Variants in PITPNC1 observed in about 807,000 individuals in gnomAD.
The protein encoded by PITPNC1 is cytoplasmic phosphatidylinositol transfer protein 1.
A neutral mutation model predicts 44.7 loss-of-function variants in PITPNC1; 18 were observed. That is an observed-to-expected ratio of 0.40 (90% CI 0.28 to 0.60). PITPNC1 has a LOEUF of 0.60. Among genes scored for constraint, PITPNC1 ranks in the 20% least tolerant of loss-of-function variants. PITPNC1 has a pLI of 0.39. For missense variants in PITPNC1, 290 were observed against 418.4 expected (o/e 0.69, Z 2.68); for synonymous variants, 141 against 149.6 (o/e 0.94, Z 0.42).
At chr17:67,624,147 T>G (rs1598900380) in intron 5 of PITPNC1, among the ~76,000 whole-genome samples, 1 of 152,324 alleles carries the variant, frequency 6.6e-6, no homozygotes, top group East Asian at 1.9e-4. Flanking sequence ...TATAATAATG[T>G]TGCAATAAAA....
intron 1 of PITPNC1, among the ~76,000 whole-genome samples, chr17:67,525,802 A>G (rs1275166247): frequency 6.6e-6 from 1 of 152,236 alleles, no homozygotes; most frequent in Non-Finnish European, 1.5e-5. Flanking sequence ...TGAAGAATGC[A>G]GGAAACTCCC....
rs146560406 is a variant in PITPNC1 at position 67,692,744 on chromosome 17, C to T, written c.855C>T (p.Pro285=). 471 of 1,613,804 alleles carry T rather than the reference C, an allele frequency of 2.9e-4. 2 individuals carry two copies. In the African/African-American group the frequency reaches 5.2e-3, roughly 18 times the overall value. The part of the protein sequence containing the change: ...APSTPLSTDA[P]EFLSVPKDRP... ...CCACCCCTCTCTCCACAGACGCACC[C>T]GAATTTCTGTCCGTTCCCAAAGATC... is the stretch of plus-strand genomic sequence containing the variant. The change falls in exon 9 of 9, where the codon CCC becomes CCT. Residue 285 remains proline, a synonymous_variant. Coordinates refer to ENST00000581322, the MANE Select transcript of PITPNC1 (RefSeq NM_012417.4).
At chr17:67,642,675 G>A (rs1006842358) in intron 6 of PITPNC1, among the ~76,000 whole-genome samples, 8 of 152,012 alleles carry the variant, frequency 5.3e-5, no homozygotes, top group African/African-American at 1.5e-4. Flanking sequence ...AAGATAAGAC[G>A]CCAAGTCTCG....
intron 1 of PITPNC1, chr17:67,408,706 C>T (rs1165955721): frequency 7.2e-6 from 1 of 139,554 alleles, no homozygotes; most frequent in African/African-American, 2.6e-5. Flanking sequence ...TCCTTCCTTC[C>T]TTCCTTCCTT....
intron 1 of PITPNC1, among the ~76,000 whole-genome samples, chr17:67,483,821 C>T (rs1454912094): frequency 2.6e-5 from 4 of 152,038 alleles, no homozygotes; most frequent in East Asian, 1.9e-4. Flanking sequence ...AATACAGCTT[C>T]GTTTATGCCT....
intron 1 of PITPNC1, among the ~76,000 whole-genome samples, chr17:67,449,272 A>C (rs1211399173): frequency 6.6e-6 from 1 of 152,154 alleles, no homozygotes. Flanking sequence ...TCCGTGTTCT[A>C]GTTGGAAAGG....
At chr17:67,568,946 A>G (rs888921104) in intron 4 of PITPNC1, among the ~76,000 whole-genome samples, 11 of 152,170 alleles carry the variant, frequency 7.2e-5, no homozygotes, top group Non-Finnish European at 1.5e-4. Flanking sequence ...TCCTTTGATG[A>G]CAATAATGAC....
chr17:67,502,284 CT>C (rs34451812), intron 1 of PITPNC1, among the ~76,000 whole-genome samples: 5,470 of 146,688 alleles, frequency 0.037, 180 homozygotes, highest in African/African-American at 0.096. Flanking sequence ...TTTACTTGTA[CT>C]TTTTTTTTTT....
intron 1 of PITPNC1, chr17:67,408,748 T>TTCTTTCTC (rs1567978488): frequency 6.8e-6 from 1 of 146,574 alleles, no homozygotes; most frequent in African/African-American, 2.5e-5. Context: ...CTTTCTCTCT[T>TTCTTTCTC]TCTTTCTTTC....
chr17:67,479,309 A>G (rs1235126156), intron 1 of PITPNC1, among the ~76,000 whole-genome samples: 2 of 152,218 alleles, frequency 1.3e-5, no homozygotes, highest in African/African-American at 4.8e-5. Flanking sequence ...GGGGAGAATT[A>G]AATGATTAGC....
chr17:67,496,544 G>A (rs545773410), intron 1 of PITPNC1, among the ~76,000 whole-genome samples: 3 of 152,144 alleles, frequency 2.0e-5, no homozygotes, highest in East Asian at 1.9e-4. Flanking sequence ...TGTTTACTAT[G>A]GAATTATCAC....
chr17:67,579,614 ATTTTTTTTTTTT>A (rs558310588), intron 5 of PITPNC1, among the ~76,000 whole-genome samples: 7 of 88,808 alleles, frequency 7.9e-5, no homozygotes, highest in South Asian at 8.1e-4. Context: ...TAAAATAGTG[ATTTTTTTTTTTT>A]TTTTTTTTTT....
intron 5 of PITPNC1, among the ~76,000 whole-genome samples, chr17:67,631,737 G>A (rs2041975312): frequency 1.5e-5 from 2 of 136,476 alleles, no homozygotes; most frequent in South Asian, 4.8e-4. Context: ...CTAACTCTTG[G>A]CCTATATCCC....
intron 5 of PITPNC1, among the ~76,000 whole-genome samples, chr17:67,616,745 T>G (rs993871104): frequency 6.6e-6 from 1 of 152,204 alleles, no homozygotes; most frequent in African/African-American, 2.4e-5. Context: ...CTATCCACTT[T>G]GTTATCCTTT....
Position 67,422,825 on chromosome 17 carries a change from C to T in PITPNC1, c.48+44623C>T, listed in dbSNP as rs1411550892. On this transcript the variant is annotated intron_variant, in intron 1 of 8. Coordinates refer to ENST00000581322, the MANE Select transcript of PITPNC1 (RefSeq NM_012417.4). ...AAGTGCTGGGAATAAAAGTCGTGAGCTACCACGCCGGTCTAGCTTACTCAA... is the reference window on the plus strand; with the variant it reads ...AAGTGCTGGGAATAAAAGTCGTGAGTTACCACGCCGGTCTAGCTTACTCAA... 4.6e-5 allele frequency among the ~76,000 whole-genome samples: 7 copies of T among 152,180 alleles called. No homozygotes were observed. In the East Asian group the frequency reaches 1.2e-3, roughly 25 times the overall value.
intron 8 of PITPNC1, among the ~76,000 whole-genome samples, chr17:67,683,186 AAG>A (rs1241306324): frequency 9.9e-5 from 15 of 151,034 alleles, no homozygotes; most frequent in African/African-American, 1.5e-4. Flanking sequence ...AAAAAAAAAA[AAG>A]AGTTGATACA....
chr17:67,455,349 A>G (rs1024747628), intron 1 of PITPNC1, among the ~76,000 whole-genome samples: 1 of 152,216 alleles, frequency 6.6e-6, no homozygotes, highest in East Asian at 1.9e-4. Flanking sequence ...AACCTGGTAC[A>G]TACATGCTTA....
chr17:67,412,252 G>A (rs543251965), intron 1 of PITPNC1, among the ~76,000 whole-genome samples: 15 of 152,118 alleles, frequency 9.9e-5, no homozygotes, highest in Admixed American at 2.6e-4. Context: ...CCTGGAGCCC[G>A]GGGCAGGGTT....
At chr17:67,537,432 T>A (rs538441533) in intron 2 of PITPNC1, among the ~76,000 whole-genome samples, 1 of 152,248 alleles carries the variant, frequency 6.6e-6, no homozygotes, top group East Asian at 1.9e-4. Context: ...AAAATATAAT[T>A]TAAAAAATTT....
Sources: gnomAD v4.1 joint callset for allele counts (sites outside exome capture counted in the v4.1 genomes callset) on GRCh38, gnomAD v4.1.1 for gene constraint, MANE v1.5 for transcripts, NCBI Gene and HGNC (gene_info 2026-07-23, HGNC 2026-07-21) for gene names.